UGT1A4: variants seen among roughly 807,000 people sequenced by gnomAD.
UGT1A4 encodes UDP-glucuronosyltransferase 1A4.
UGT1A4 carries 32 observed loss-of-function variants against 41.1 expected under a neutral mutation model. That is an observed-to-expected ratio of 0.78 (90% CI 0.59 to 1.05). The LOEUF (loss-of-function observed/expected upper bound fraction) is 1.05. UGT1A4 is among the 50% of genes least tolerant of loss of function. The pLI is 0.00. For synonymous variants in UGT1A4, 283 were observed against 265.1 expected (o/e 1.07, Z -0.66); for missense variants, 748 against 677.4 (o/e 1.10, Z -1.16).
At chr2:233,747,621 C>T (rs2125886798) in intron 1 of UGT1A4, 1 of 1,577,282 alleles carries the variant, frequency 6.3e-7, no homozygotes, top group Middle Eastern at 1.7e-4. Context: ...TAATGAGGCC[C>T]TGATCAGGCA....
At chr2:233,736,342 C>T (rs549805148) in intron 1 of UGT1A4, among the ~76,000 whole-genome samples, 123 of 152,282 alleles carry the variant, frequency 8.1e-4, no homozygotes, top group Admixed American at 3.1e-3. Flanking sequence ...AGTTCTTGTG[C>T]CATGGTTTTC....
intron 1 of UGT1A4, among the ~76,000 whole-genome samples, chr2:233,759,944 G>C (rs1242141869): frequency 6.6e-6 from 1 of 152,160 alleles, no homozygotes; most frequent in African/African-American, 2.4e-5. Context: ...AGCCTAACTT[G>C]TTCACTACAT....
At chr2:233,734,900 C>T (rs1027588472) in intron 1 of UGT1A4, among the ~76,000 whole-genome samples, 1 of 152,158 alleles carries the variant, frequency 6.6e-6, no homozygotes, top group Admixed American at 6.5e-5. Flanking sequence ...GATTTCTATT[C>T]TTTTACATTT....
chr2:233,743,959 C>G (rs371517697), intron 1 of UGT1A4: 3 of 1,333,990 alleles, frequency 2.2e-6, no homozygotes, highest in Admixed American at 2.0e-5. Flanking sequence ...GCACAGCGAG[C>G]GGCAAGGCTG....
At chr2:233,760,708 G>A in intron 1 of UGT1A4, 2 of 1,614,172 alleles carry the variant, frequency 1.2e-6, no homozygotes, top group East Asian at 2.2e-5. Context: ...GGCCTCCCTG[G>A]CAGAAAGCAG....
rs189644754 is a variant in UGT1A4 at position 233,743,962 on chromosome 2, C to T, written c.868-23072C>T. 923 of 1,331,616 alleles carry T rather than the reference C, an allele frequency of 6.9e-4. 28 individuals are homozygous for T. The African/African-American group carries it at 0.013, about 18-fold the overall frequency. The allele number at this position is 1,331,616 out of a possible 1,614,324, so 82.5% of individuals were successfully genotyped here. On this transcript the variant is annotated intron_variant, in intron 1 of 4. Coordinates refer to ENST00000373409, the MANE Select transcript of UGT1A4 (RefSeq NM_007120.3). ...CACCAGGCACTGGCACAGCGAGCGG[C>T]AAGGCTGCCAGCACCCAGGCGCAGG...
Position 233,719,098 on chromosome 2 carries a change from C to T in UGT1A4, c.278C>T (p.Thr93Met), listed in dbSNP as rs188914242. 5.5e-5 allele frequency: 89 copies of T among 1,614,240 alleles called. 1 individual carries two copies. In the Admixed American group the frequency reaches 7.3e-4, roughly 13 times the overall value. Residue 93 changes from threonine to methionine, a missense_variant, in exon 1 of 5, where the codon ACG becomes ATG. Physicochemically the swap from Thr to Met is moderately conservative, Grantham distance 81 (BLOSUM62 -1). Coordinates refer to ENST00000373409, the MANE Select transcript of UGT1A4 (RefSeq NM_007120.3). ...PWTQKEFDRV[T>M]LGYTQGFFET... is the part of the protein sequence containing the mutation. Reference sequence around the variant, plus strand: ...ACCCAGAAGGAATTTGATCGCGTTACGCTGGGCTACACTCAAGGGTTCTTT... The same window carrying T: ...ACCCAGAAGGAATTTGATCGCGTTATGCTGGGCTACACTCAAGGGTTCTTT...
In UGT1A4 at chr2:233,749,353, T is replaced by G. The variant is rs1479557854; in HGVS notation, c.868-17681T>G. On this transcript the variant is annotated intron_variant, in intron 1 of 4. Transcript: ENST00000373409. The stretch of plus-strand genomic sequence containing the variant: ...GTTGAAAAGTGGGATGGAATTTAAA[T>G]AGTGACTCTTGCCCTTTTCTTCCAG... 5.9e-5 allele frequency among the ~76,000 whole-genome samples: 9 copies of G among 151,918 alleles called. 1 individual carries two copies. The East Asian group carries it at 1.7e-3, about 29-fold the overall frequency.
At chr2:233,766,998 GA>G in intron 1 of UGT1A4, 35 bp from the exon 2 acceptor site, 1 of 1,613,532 alleles carries the variant, frequency 6.2e-7, no homozygotes, top group South Asian at 1.1e-5. Context: ...AAGAATATGA[GA>G]AAAAATTAAC....
intron 1 of UGT1A4, among the ~76,000 whole-genome samples, chr2:233,757,733 CA>C (rs1183069560): frequency 6.6e-6 from 1 of 151,564 alleles, no homozygotes; most frequent in Non-Finnish European, 1.5e-5. Context: ...AGATGATCTA[CA>C]GGGCACTGGA....
intron 2 of UGT1A4, 111 bp downstream of exon 2, chr2:233,767,276 C>CGGAA (rs1699353550): frequency 6.3e-7 from 1 of 1,578,136 alleles, no homozygotes; most frequent in Non-Finnish European, 8.5e-7. Context: ...TTGGCTTTTC[C>CGGAA]CTGCCACTTC....
At chr2:233,760,461 T>A in intron 1 of UGT1A4, 1 of 1,614,224 alleles carries the variant, frequency 6.2e-7, no homozygotes, top group Non-Finnish European at 8.5e-7. Context: ...ATGAAATAGT[T>A]GTCCTAGCAC....
chr2:233,743,691 C>T (rs368518074), intron 1 of UGT1A4: 24 of 1,367,118 alleles, frequency 1.8e-5, no homozygotes, highest in Non-Finnish European at 2.2e-5. Context: ...CCTGTGCAGC[C>T]GCCCTCCGCC....
At chr2:233,729,013 C>T (rs1190048509) in intron 1 of UGT1A4, 1 of 1,586,394 alleles carries the variant, frequency 6.3e-7, no homozygotes, top group Non-Finnish European at 8.6e-7. Context: ...CTCTGTCTTC[C>T]AATTACACGT....
chr2:233,748,809 T>C (rs927087498), intron 1 of UGT1A4, among the ~76,000 whole-genome samples: 1 of 151,174 alleles, frequency 6.6e-6, no homozygotes, highest in Non-Finnish European at 1.5e-5. Flanking sequence ...TATCAAGAAA[T>C]TGTGGAAGGG....
intron 1 of UGT1A4, among the ~76,000 whole-genome samples, chr2:233,751,216 T>G (rs569696168): frequency 6.6e-6 from 1 of 152,100 alleles, no homozygotes; most frequent in East Asian, 1.9e-4. Flanking sequence ...CTTTAAGATT[T>G]AATGACTGCC....
At chr2:233,760,382 T>G (rs1697426202) in intron 1 of UGT1A4, 1 of 1,614,082 alleles carries the variant, frequency 6.2e-7, no homozygotes, top group African/African-American at 1.3e-5. Context: ...AAGATACTGT[T>G]GATCCCAGTG....
chr2:233,762,134 T>C (rs1697981435), intron 1 of UGT1A4, among the ~76,000 whole-genome samples: 1 of 152,212 alleles, frequency 6.6e-6, no homozygotes, highest in African/African-American at 2.4e-5. Flanking sequence ...TGTGGGGACC[T>C]GTGTGACTTT....
rs546323978 is a variant in UGT1A4, at chr2:233,743,185, G to C, written c.867+23498G>C. On this transcript the variant is annotated intron_variant, in intron 1 of 4. Transcript: ENST00000373409. ...TGTGCTTAAAGTCAAATGTGGACTG[G>C]AATTACTTGGTGTCAATGCGGAGTA... 3 of 372,746 alleles carry C rather than the reference G, an allele frequency of 8.0e-6. No homozygotes were observed. The East Asian group carries it at 2.2e-4, about 27-fold the overall frequency. The allele number at this position is 372,746 out of a possible 1,614,324, so 23.1% of individuals were successfully genotyped here.
Sources: gnomAD v4.1 joint callset for allele counts (sites outside exome capture counted in the v4.1 genomes callset) on GRCh38, gnomAD v4.1.1 for gene constraint, MANE v1.5 for transcripts, NCBI Gene and HGNC (gene_info 2026-07-23, HGNC 2026-07-21) for gene names.